Variants in VPS54 observed in about 807,000 individuals in gnomAD.
VPS54 encodes the protein VPS54 subunit of GARP complex, also known as vacuolar protein sorting-associated protein 54.
In VPS54, 45 loss-of-function variants were observed where a neutral mutation model predicts 121.5. The observed-to-expected ratio is 0.37, with a 90% CI of 0.29 to 0.47. VPS54 has a LOEUF of 0.47. Ranked by LOEUF, VPS54 falls within the 20% of genes least tolerant of loss-of-function variation. VPS54 has a pLI of 0.99. For missense variants in VPS54, 1,090 were observed against 1,131.4 expected (o/e 0.96, Z 0.52); for synonymous variants, 371 against 385.8 (o/e 0.96, Z 0.45).
At chr2:63,924,330 G>A (rs1166499646) in intron 12 of VPS54, among the ~76,000 whole-genome samples, 1 of 152,226 alleles carries the variant, frequency 6.6e-6, no homozygotes, top group African/African-American at 2.4e-5. Flanking sequence ...CCACTAGGAT[G>A]TGAGTGGAAG....
intron 20 of VPS54, among the ~76,000 whole-genome samples, chr2:63,900,187 T>C (rs971699475): frequency 8.5e-6 from 1 of 117,850 alleles, no homozygotes. Context: ...ACCACTGCAC[T>C]CCAGCCTGGG....
At chr2:63,909,725 G>GTT (rs1553470849) in intron 20 of VPS54, among the ~76,000 whole-genome samples, 51 of 115,268 alleles carry the variant, frequency 4.4e-4, no homozygotes, top group African/African-American at 1.0e-3. Context: ...GCCGTTTTTG[G>GTT]TTTTTTTTTT....
intron 3 of VPS54, among the ~76,000 whole-genome samples, chr2:63,974,356 T>C (rs973562908): frequency 6.6e-6 from 1 of 152,258 alleles, no homozygotes. Flanking sequence ...TGTAGCTTTA[T>C]AGCAAAACTT....
chr2:63,936,575 A>C (rs751246222), intron 11 of VPS54, among the ~76,000 whole-genome samples: 1 of 152,150 alleles, frequency 6.6e-6, no homozygotes, highest in Non-Finnish European at 1.5e-5. Context: ...CCATACAACA[A>C]AATGAAATTT....
intron 6 of VPS54, among the ~76,000 whole-genome samples, chr2:63,964,305 ATT>A (rs1316493197): frequency 2.6e-5 from 4 of 152,212 alleles, no homozygotes; most frequent in Non-Finnish European, 4.4e-5. Context: ...TAAGAAAAGC[ATT>A]TGAGTCTCAA....
At chr2:63,996,145 C>T (rs1677577567) in intron 1 of VPS54, among the ~76,000 whole-genome samples, 2 of 152,300 alleles carry the variant, frequency 1.3e-5, no homozygotes, top group Admixed American at 6.5e-5. Flanking sequence ...TGCAGGAAGT[C>T]AGGGACCCTG....
At chr2:63,964,094 T>C (rs1675883625) in intron 6 of VPS54, among the ~76,000 whole-genome samples, 1 of 152,150 alleles carries the variant, frequency 6.6e-6, no homozygotes. Flanking sequence ...GCATCCTTGC[T>C]CTTAAAAGCG....
At chr2:63,995,450 A>G (rs146182680) in intron 1 of VPS54, among the ~76,000 whole-genome samples, 3,711 of 152,356 alleles carry the variant, frequency 0.024, 139 homozygotes, top group African/African-American at 0.084. Context: ...ATGAAGTGTT[A>G]CAGCGAATTC....
At chr2:63,897,627 A>G in intron 21 of VPS54, 37 bp from the exon 22 acceptor site, 2 of 1,237,092 alleles carry the variant, frequency 1.6e-6, no homozygotes, top group East Asian at 2.4e-5. Context: ...TTAAAGTTCT[A>G]CTGAAATAGA....
intron 6 of VPS54, among the ~76,000 whole-genome samples, chr2:63,963,345 C>G (rs948018229): frequency 1.3e-5 from 2 of 152,050 alleles, no homozygotes; most frequent in East Asian, 3.9e-4. Flanking sequence ...ATATGGACTT[C>G]TAAAACTTGT....
chr2:63,899,506 T>G lies in VPS54; in HGVS notation c.2701A>C (p.Ile901Leu). ...TGTTCTTCTGGAAGGAGATCAAATATAGCTTCGTGCATTTTTGTCATTTGC... is the reference window on the plus strand; with the variant it reads ...TGTTCTTCTGGAAGGAGATCAAATAGAGCTTCGTGCATTTTTGTCATTTGC... ...CKQMTKMHEA[I>L]FDLLPEEQTQ... The change falls in exon 21 of 23, where the codon ATA becomes CTA. Residue 901 changes from isoleucine (I) to leucine (L), a missense_variant. By Grantham distance (5) the Ile-to-Leu change is conservative (BLOSUM62 2). Around this residue, in one of 2 missense-constraint regions of VPS54, gnomAD observed 289 missense variants for 374.4 expected, o/e 0.77. Transcript: ENST00000272322. 1 of 1,613,918 alleles carries G rather than the reference T, an allele frequency of 6.2e-7. No individual in the cohort carries two copies. Among genetic ancestry groups the G allele is most frequent in the Non-Finnish European group, 8.5e-7 (1 of 1,179,954 alleles).
At chr2:63,952,931 T>C (rs895804377) in intron 7 of VPS54, among the ~76,000 whole-genome samples, 1 of 152,062 alleles carries the variant, frequency 6.6e-6, no homozygotes, top group African/African-American at 2.4e-5. Flanking sequence ...TGTAACAGAA[T>C]AGAAACAACC....
intron 1 of VPS54, among the ~76,000 whole-genome samples, chr2:63,993,946 A>C (rs1677455044): frequency 6.6e-6 from 1 of 152,212 alleles, no homozygotes; most frequent in Non-Finnish European, 1.5e-5. Context: ...GATTTCCCCA[A>C]AACCTTTAAA....
intron 5 of VPS54, among the ~76,000 whole-genome samples, chr2:63,967,208 T>C (rs529614203): frequency 4.5e-4 from 68 of 152,292 alleles, no homozygotes; most frequent in African/African-American, 1.5e-3. Flanking sequence ...TTTACCTATA[T>C]ACAAAAATTA....
At chr2:64,015,189 T>C (rs979639160) in intron 1 of VPS54, among the ~76,000 whole-genome samples, 4 of 152,050 alleles carry the variant, frequency 2.6e-5, no homozygotes, top group Middle Eastern at 3.2e-3. Flanking sequence ...CAAAAACATA[T>C]GCAAAAATAA....
At chr2:63,977,144 A>G (rs1676577139) in intron 3 of VPS54, among the ~76,000 whole-genome samples, 1 of 151,978 alleles carries the variant, frequency 6.6e-6, no homozygotes, top group Admixed American at 6.6e-5. Flanking sequence ...TTTTTTCTTA[A>G]TCTAGCTAAA....
intron 11 of VPS54, among the ~76,000 whole-genome samples, chr2:63,936,152 T>C (rs1674442565): frequency 6.6e-6 from 1 of 152,214 alleles, no homozygotes; most frequent in Non-Finnish European, 1.5e-5. Flanking sequence ...TTGATTTGAA[T>C]ACTTCATTCC....
intron 6 of VPS54, among the ~76,000 whole-genome samples, chr2:63,964,804 G>C (rs1379944564): frequency 2.6e-5 from 4 of 152,038 alleles, no homozygotes; most frequent in Non-Finnish European, 5.9e-5. Flanking sequence ...AGATTGCCAG[G>C]GGATATCACT....
At chr2:64,014,932 TTAAA>T (rs1678608211) in intron 1 of VPS54, among the ~76,000 whole-genome samples, 1 of 152,128 alleles carries the variant, frequency 6.6e-6, no homozygotes, top group South Asian at 2.1e-4. Flanking sequence ...GTTAAAAACA[TTAAA>T]TAGTCTAAAG....
Sources: gnomAD v4.1 joint callset for allele counts (sites outside exome capture counted in the v4.1 genomes callset) on GRCh38, gnomAD v4.1.1 for gene constraint, gnomAD v4.1.1 regional missense constraint, MANE v1.5 for transcripts, NCBI Gene and HGNC (gene_info 2026-07-23, HGNC 2026-07-21) for gene names.